PIK3CB: variants seen among roughly 807,000 people sequenced by gnomAD.
The protein encoded by PIK3CB is phosphatidylinositol 4,5-bisphosphate 3-kinase catalytic subunit beta isoform.
In PIK3CB, 39 loss-of-function variants were observed where a neutral mutation model predicts 136.8. That is an observed-to-expected ratio of 0.29 (90% confidence interval 0.22 to 0.37). PIK3CB has a LOEUF of 0.37. Ranked by LOEUF, PIK3CB falls within the 10% of genes least tolerant of loss-of-function variation. The pLI is 1.00. For synonymous variants in PIK3CB, 428 were observed against 436.6 expected, an observed-to-expected ratio of 0.98 and a Z score of 0.25; for missense variants, 868 against 1,275.4, an observed-to-expected ratio of 0.68 and a Z score of 4.87.
rs1236007665 is a variant in PIK3CB at position 138,652,868 on chromosome 3, T to C, written c.*2521A>G. On this transcript the variant is annotated 3_prime_UTR_variant, in exon 24 of 24. Transcript: ENST00000674063. ...AAATATTCCATGTACCCCATATATA[T>C]ATCTACTATGTACTCACAAAAATTA... is the stretch of plus-strand genomic sequence containing the variant. The C allele has an allele frequency of 4.6e-6, 1 of 215,728 alleles. No individual in the cohort carries two copies. Among genetic ancestry groups the C allele is most frequent in the Admixed American group, 5.8e-5 (1 of 17,190 alleles). The allele number at this position is 215,728 out of a possible 1,614,324, so 13.4% of individuals were successfully genotyped here.
chr3:138,671,849 G>C (rs1440713908), intron 19 of PIK3CB, among the ~76,000 whole-genome samples: 2 of 152,210 alleles, frequency 1.3e-5, no homozygotes, highest in Non-Finnish European at 2.9e-5. Flanking sequence ...GCTGGGGTTG[G>C]GTTGTACAAT....
Position 138,657,707 on chromosome 3 carries a change from A to G in PIK3CB, c.2925T>C (p.Asn975=), listed in dbSNP as rs773110656. 8.7e-6 allele frequency: 14 copies of G among 1,613,798 alleles called. No homozygotes were observed. The highest frequency in any genetic ancestry group is 1.3e-5 in the African/African-American group (1 of 74,932). ...IHVIQQGKTG[N]TEKFGRFRQC... ...GTACTCACCGGCCAAACTTTTCTGTATTTCCTGTTTTTCCTTGTTGAATGA... is the reference window on the plus strand; with the variant it reads ...GTACTCACCGGCCAAACTTTTCTGTGTTTCCTGTTTTTCCTTGTTGAATGA... Residue 975 remains asparagine, a synonymous_variant, in exon 22 of 24, where the codon AAT becomes AAC. Transcript: ENST00000674063.
intron 5 of PIK3CB, 148 bp from the exon 6 acceptor site, chr3:138,738,034 T>C (rs2045151303): frequency 2.3e-6 from 1 of 437,722 alleles, no homozygotes. Flanking sequence ...GATGCATATT[T>C]AGAATGTAGA....
intron 2 of PIK3CB, among the ~76,000 whole-genome samples, chr3:138,785,245 G>A (rs2045967320): frequency 6.7e-6 from 1 of 149,752 alleles, no homozygotes; most frequent in South Asian, 2.1e-4. Flanking sequence ...GCGGGGGGAA[G>A]CTCCCGCCCG....
Position 138,716,058 on chromosome 3 carries a change from G to GA in PIK3CB, c.1051-1340dup, listed in dbSNP as rs200345261. Among the ~76,000 whole-genome samples, 439 of 151,378 alleles carry GA rather than the reference G, an allele frequency of 2.9e-3. 1 individual carries two copies. Among genetic ancestry groups the GA allele is most frequent in the African/African-American group, 9.7e-3 (400 of 41,298 alleles). On this transcript the variant is annotated intron_variant, in intron 8 of 23. Transcript: ENST00000674063. ...TGTGTATATTTGAAACTTTTCTTTT[G>GA]AAAAAAAATTAAGCTAAAAGAAAAA...
chr3:138,813,109 C>A (rs535012412), intron 1 of PIK3CB, among the ~76,000 whole-genome samples: 2 of 151,966 alleles, frequency 1.3e-5, no homozygotes, highest in Non-Finnish European at 2.9e-5. Context: ...TCTACAATTA[C>A]CTCAAAATAA....
At chr3:138,768,709 G>A (rs1174102091) in intron 2 of PIK3CB, among the ~76,000 whole-genome samples, 1 of 152,196 alleles carries the variant, frequency 6.6e-6, no homozygotes, top group East Asian at 1.9e-4. Context: ...TCCCTCCTAT[G>A]TTCATTGGTG....
At chr3:138,757,444 T>TA (rs1473551093) in intron 3 of PIK3CB, among the ~76,000 whole-genome samples, 1 of 140,858 alleles carries the variant, frequency 7.1e-6, no homozygotes, top group Non-Finnish European at 1.5e-5. Flanking sequence ...CACAATGAGA[T>TA]ACCACTTCAC....
intron 2 of PIK3CB, 48 bp downstream of exon 2, chr3:138,796,415 A>T (rs896727445): frequency 1.3e-5 from 2 of 150,978 alleles, no homozygotes; most frequent in African/African-American, 2.4e-5. Flanking sequence ...AAAGATTTAT[A>T]CTCTAACCAA....
At chr3:138,691,231 T>C in intron 14 of PIK3CB, 88 bp from the exon 15 acceptor site, 1 of 1,219,092 alleles carries the variant, frequency 8.2e-7, no homozygotes, top group Non-Finnish European at 1.2e-6. Context: ...TGTGAACTTG[T>C]TGAAACACAA....
chr3:138,788,088 A>G (rs2046001604), intron 2 of PIK3CB, among the ~76,000 whole-genome samples: 1 of 151,866 alleles, frequency 6.6e-6, no homozygotes, highest in Admixed American at 6.6e-5. Flanking sequence ...ACACCTGGCT[A>G]GTTTTTGTAT....
chr3:138,789,725 C>G (rs1559879592), intron 2 of PIK3CB, among the ~76,000 whole-genome samples: 1 of 150,254 alleles, frequency 6.7e-6, no homozygotes, highest in Admixed American at 6.7e-5. Flanking sequence ...GACGGAGTCT[C>G]TCTCTGTCGC....
Position 138,663,859 on chromosome 3 carries a change from G to T in PIK3CB, c.2796+47C>A, listed in dbSNP as rs373689098. 1.1e-5 allele frequency: 18 copies of T among 1,578,532 alleles called. No homozygotes were observed. The Middle Eastern group carries it at 6.9e-4, about 60-fold the overall frequency. On this transcript the variant is annotated intron_variant, in intron 21 of 23. Coordinates refer to ENST00000674063, the MANE Select transcript of PIK3CB (RefSeq NM_006219.3). ...GCACAAGAGATTATGCTATACATAA[G>T]AAATAGCATTACTAAGGCCCTTGGC...
At chr3:138,666,363 G>C (rs939686394) in intron 19 of PIK3CB, among the ~76,000 whole-genome samples, 1 of 152,022 alleles carries the variant, frequency 6.6e-6, no homozygotes, top group African/African-American at 2.4e-5. Flanking sequence ...GTTTTTTGTA[G>C]AGATGAGGTC....
At chr3:138,830,278 G>T (rs1367434305) in intron 1 of PIK3CB, among the ~76,000 whole-genome samples, 1 of 152,184 alleles carries the variant, frequency 6.6e-6, no homozygotes, top group Non-Finnish European at 1.5e-5. Context: ...GCCCAGGCGC[G>T]GTGGCTCACC....
intron 19 of PIK3CB, among the ~76,000 whole-genome samples, chr3:138,677,785 C>G (rs1004552180): frequency 1.3e-5 from 2 of 152,120 alleles, no homozygotes; most frequent in Non-Finnish European, 2.9e-5. Context: ...ATCCCAGCTA[C>G]TCGGGAGGCT....
chr3:138,718,557 C>T (rs971587115), intron 8 of PIK3CB, among the ~76,000 whole-genome samples: 1 of 152,058 alleles, frequency 6.6e-6, no homozygotes, highest in Admixed American at 6.6e-5. Flanking sequence ...TTGTTGTGAT[C>T]GCTTTTGGTG....
At chr3:138,703,247 C>G (rs2044291060) in intron 12 of PIK3CB, among the ~76,000 whole-genome samples, 1 of 152,154 alleles carries the variant, frequency 6.6e-6, no homozygotes, top group African/African-American at 2.4e-5. Flanking sequence ...ATGACTCACA[C>G]TGAGAAACTA....
At position 138,734,774 on chromosome 3, in the gene PIK3CB, G is replaced by A. The variant is rs1359562265; in HGVS notation, c.832C>T (p.Leu278=). 1.2e-6 allele frequency: 2 copies of A among 1,613,012 alleles called. No individual in the cohort carries two copies. Among genetic ancestry groups the A allele is most frequent in the East Asian group, 2.2e-5 (1 of 44,858 alleles). Residue 278 remains leucine, a synonymous_variant, in exon 7 of 24, where the codon CTG becomes TTG. Transcript: ENST00000674063. ...CATTCCACAAGTATAAAATGGGGCAGGGCTCTGTTCATCACACAGTTCCGG... is the reference window on the plus strand; with the variant it reads ...CATTCCACAAGTATAAAATGGGGCAAGGCTCTGTTCATCACACAGTTCCGG... The part of the protein sequence containing the change: ...YIRNCVMNRA[L]PHFILVECCK...
Sources: gnomAD v4.1 joint callset for allele counts (sites outside exome capture counted in the v4.1 genomes callset) on GRCh38, gnomAD v4.1.1 for gene constraint, MANE v1.5 for transcripts, NCBI Gene and HGNC (gene_info 2026-07-23, HGNC 2026-07-21) for gene names.